Variants in CSMD1 observed in about 807,000 individuals in gnomAD.
CSMD1 encodes CUB and Sushi multiple domains 1, also known as CUB and sushi domain-containing protein 1.
Under a neutral mutation model 417.5 loss-of-function variants are expected in CSMD1, and 213 were observed. The ratio of observed to expected loss-of-function variants is 0.51; its 90% CI spans 0.46 to 0.57. The LOEUF (loss-of-function observed/expected upper bound fraction) is 0.57. Ranked by LOEUF, CSMD1 falls within the 20% of genes least tolerant of loss-of-function variation. CSMD1 has a pLI of 0.00. For missense variants in CSMD1, 6,923 were observed against 4,529.7 expected (o/e 1.53, Z -15.17); for synonymous variants, 2,862 against 1,736.8 (o/e 1.65, Z -16.11).
chr8:3,523,035 ACACACT>A (rs1323076093), intron 10 of CSMD1, among the ~76,000 whole-genome samples: 2 of 150,470 alleles, frequency 1.3e-5, no homozygotes, highest in Admixed American at 6.6e-5. Flanking sequence ...ACACACACAC[ACACACT>A]ACTCTTAAAA....
chr8:3,943,759 C>T (rs1434923232), intron 5 of CSMD1, among the ~76,000 whole-genome samples: 1 of 151,972 alleles, frequency 6.6e-6, no homozygotes, highest in African/African-American at 2.4e-5. Context: ...CACAAAGAAA[C>T]AGTTAAATAA....
At chr8:4,811,780 A>T (rs1016370592) in intron 1 of CSMD1, among the ~76,000 whole-genome samples, 5 of 152,110 alleles carry the variant, frequency 3.3e-5, no homozygotes, top group Non-Finnish European at 5.9e-5. Flanking sequence ...TTATTTTAGG[A>T]ATATGGTTTA....
chr8:3,371,507 G>A (rs1475061572), intron 18 of CSMD1, among the ~76,000 whole-genome samples: 1 of 149,460 alleles, frequency 6.7e-6, no homozygotes, highest in Admixed American at 6.7e-5. Context: ...CCCACATTCT[G>A]TGCATGTATA....
intron 3 of CSMD1, among the ~76,000 whole-genome samples, chr8:4,197,724 C>G (rs1563258674): frequency 6.6e-6 from 1 of 152,066 alleles, no homozygotes; most frequent in African/African-American, 2.4e-5. Flanking sequence ...ACTAAAAATA[C>G]AAAAATTAGC....
At chr8:4,053,840 T>C (rs949885641) in intron 3 of CSMD1, among the ~76,000 whole-genome samples, 4 of 152,336 alleles carry the variant, frequency 2.6e-5, no homozygotes, top group South Asian at 2.1e-4. Flanking sequence ...TAGCTTTTAC[T>C]AGTAGGTTGG....
chr8:4,948,313 G>A (rs1280084557), intron 1 of CSMD1, among the ~76,000 whole-genome samples: 1 of 151,700 alleles, frequency 6.6e-6, no homozygotes. Context: ...TTGTTATTTT[G>A]TTTTCCTTTT....
intron 3 of CSMD1, among the ~76,000 whole-genome samples, chr8:4,308,303 G>C (rs558942830): frequency 4.3e-4 from 66 of 152,110 alleles, no homozygotes; most frequent in Middle Eastern, 6.8e-3. Flanking sequence ...GAAGTTTGAA[G>C]TGTATGTGTG....
chr8:3,051,184 T>G (rs1031635199), intron 50 of CSMD1, among the ~76,000 whole-genome samples: 1 of 152,194 alleles, frequency 6.6e-6, no homozygotes, highest in Non-Finnish European at 1.5e-5. Context: ...ATAGCAAAGA[T>G]ATGGAATCAA....
intron 1 of CSMD1, among the ~76,000 whole-genome samples, chr8:4,757,899 A>T (rs1811768007): frequency 6.7e-6 from 1 of 150,112 alleles, no homozygotes; most frequent in African/African-American, 2.4e-5. Context: ...GCAGCGGTTG[A>T]AGGGAGCCGA....
intron 1 of CSMD1, among the ~76,000 whole-genome samples, chr8:4,662,878 T>C (rs1445630157): frequency 1.3e-5 from 2 of 152,122 alleles, no homozygotes; most frequent in South Asian, 4.1e-4. Flanking sequence ...GTGACAGTGT[T>C]TATTCCAAAA....
intron 26 of CSMD1, among the ~76,000 whole-genome samples, chr8:3,252,101 G>T (rs906336255): frequency 6.6e-6 from 1 of 152,324 alleles, no homozygotes; most frequent in Admixed American, 6.5e-5. Context: ...ACACTATGTT[G>T]AATAGTAGTG....
At chr8:4,925,921 G>C (rs1391663740) in intron 1 of CSMD1, among the ~76,000 whole-genome samples, 1 of 151,990 alleles carries the variant, frequency 6.6e-6, no homozygotes, top group Non-Finnish European at 1.5e-5. Flanking sequence ...TTATTTCCCT[G>C]GTCATTTGAT....
chr8:3,851,214 G>C (rs928000205), intron 5 of CSMD1, among the ~76,000 whole-genome samples: 3 of 152,212 alleles, frequency 2.0e-5, no homozygotes, highest in Non-Finnish European at 4.4e-5. Flanking sequence ...ATGCTAGAAG[G>C]TAGAATATTT....
chr8:4,428,783 G>C (rs564655971), intron 2 of CSMD1, among the ~76,000 whole-genome samples: 22 of 152,192 alleles, frequency 1.4e-4, no homozygotes, highest in African/African-American at 5.1e-4. Context: ...GCAGTGGCGT[G>C]ATCTTGGCTC....
intron 3 of CSMD1, among the ~76,000 whole-genome samples, chr8:4,292,717 G>A (rs77676750): frequency 2.0e-5 from 3 of 151,984 alleles, no homozygotes; most frequent in African/African-American, 7.3e-5. Flanking sequence ...CTATGTTATA[G>A]TCTTAATATT....
intron 26 of CSMD1, among the ~76,000 whole-genome samples, chr8:3,256,801 G>T (rs144827849): frequency 6.6e-6 from 1 of 152,148 alleles, no homozygotes; most frequent in Admixed American, 6.5e-5. Flanking sequence ...ATCTTTTCTT[G>T]TAAGAACACT....
intron 2 of CSMD1, among the ~76,000 whole-genome samples, chr8:4,615,139 G>A (rs1252040425): frequency 6.6e-6 from 1 of 152,102 alleles, no homozygotes; most frequent in South Asian, 2.1e-4. Flanking sequence ...GGCACAAGAA[G>A]AGGAAAAAGC....
At chr8:3,999,248 T>G (rs1475800269) in intron 4 of CSMD1, among the ~76,000 whole-genome samples, 1 of 152,094 alleles carries the variant, frequency 6.6e-6, no homozygotes, top group African/African-American at 2.4e-5. Context: ...GGATGATATG[T>G]AAAAGTCAGC....
At chr8:3,916,914 A>T (rs1563208317) in intron 5 of CSMD1, among the ~76,000 whole-genome samples, 1 of 152,252 alleles carries the variant, frequency 6.6e-6, no homozygotes, top group Admixed American at 6.5e-5. Flanking sequence ...ATATTAAAAA[A>T]AATAACAATA....
Sources: allele counts gnomAD v4.1 joint callset (sites outside exome capture counted in the v4.1 genomes callset), GRCh38; gene constraint gnomAD v4.1.1; transcripts MANE v1.5; gene names NCBI Gene and HGNC (gene_info 2026-07-23, HGNC 2026-07-21).